The following CHRM3 variants were observed in gnomAD, a reference collection of about 807,000 sequenced individuals.
CHRM3 encodes muscarinic acetylcholine receptor M3.
A neutral mutation model predicts 41.8 loss-of-function variants in CHRM3; 11 were observed. That is an observed-to-expected ratio of 0.26 (90% CI 0.17 to 0.44). The LOEUF (loss-of-function observed/expected upper bound fraction) is 0.44. Among genes scored for constraint, CHRM3 ranks in the 20% least tolerant of loss-of-function variants. CHRM3 has a pLI of 1.00. For missense variants in CHRM3, 571 were observed against 745.4 expected (o/e 0.77, Z 2.72); for synonymous variants, 297 against 301.4 (o/e 0.99, Z 0.15).
chr1:239,557,089 T>C (rs1230021912), intron 3 of CHRM3, among the ~76,000 whole-genome samples: 1 of 152,190 alleles, frequency 6.6e-6, no homozygotes, highest in Non-Finnish European at 1.5e-5. Context: ...AAAAGCCTAC[T>C]TAAGTAGGCC....
intron 5 of CHRM3, among the ~76,000 whole-genome samples, chr1:239,783,432 A>G (rs1668654627): frequency 6.6e-6 from 1 of 152,162 alleles, no homozygotes; most frequent in Non-Finnish European, 1.5e-5. Flanking sequence ...TATTAATAGA[A>G]GACTAAGAAA....
intron 3 of CHRM3, among the ~76,000 whole-genome samples, chr1:239,555,345 G>A (rs1393524848): frequency 6.6e-6 from 1 of 152,128 alleles, no homozygotes; most frequent in Non-Finnish European, 1.5e-5. Flanking sequence ...ATGGAAGTTT[G>A]GTTGTGGAAC....
At chr1:239,904,389 G>A (rs1679811069) in intron 6 of CHRM3, among the ~76,000 whole-genome samples, 1 of 152,184 alleles carries the variant, frequency 6.6e-6, no homozygotes, top group Non-Finnish European at 1.5e-5. Flanking sequence ...AGTAATAGTA[G>A]TTATTAACCT....
chr1:239,749,810 G>A (rs995886337), intron 5 of CHRM3, among the ~76,000 whole-genome samples: 3 of 152,190 alleles, frequency 2.0e-5, no homozygotes, highest in African/African-American at 7.2e-5. Flanking sequence ...TCTTGTAAAA[G>A]ACATTAAAAT....
rs370176987 is a variant in CHRM3, at chr1:239,864,116, A to C, written c.-20+36738A>C. ...AAAACTCAGTTGGGTGAGATGGCAC[A>C]TGCCTGTCATCCCAGCTACTTAGGA... On this transcript the variant is annotated intron_variant, in intron 6 of 6. Coordinates refer to ENST00000676153, the MANE Select transcript of CHRM3 (RefSeq NM_001375978.1). 1.2e-4 allele frequency among the ~76,000 whole-genome samples: 18 copies of C among 151,592 alleles called. No individual in the cohort carries two copies. In the East Asian group the frequency reaches 3.5e-3, roughly 29 times the overall value.
intron 1 of CHRM3, among the ~76,000 whole-genome samples, chr1:239,400,522 T>C (rs1317369763): frequency 6.6e-6 from 1 of 152,200 alleles, no homozygotes; most frequent in Admixed American, 6.5e-5. Flanking sequence ...CCAAAAGTTC[T>C]TTGCCGAGAC....
At chr1:239,786,045 G>A (rs1174094142) in intron 5 of CHRM3, among the ~76,000 whole-genome samples, 1 of 152,076 alleles carries the variant, frequency 6.6e-6, no homozygotes, top group Non-Finnish European at 1.5e-5. Context: ...ATTATCTCAA[G>A]TTATTTGTTT....
At chr1:239,873,945 TC>T (rs1676814056) in intron 6 of CHRM3, among the ~76,000 whole-genome samples, 1 of 152,152 alleles carries the variant, frequency 6.6e-6, no homozygotes, top group South Asian at 2.1e-4. Context: ...ACTGAACTCT[TC>T]ACTCATGAGG....
chr1:239,671,448 C>G (rs572755859), intron 4 of CHRM3, among the ~76,000 whole-genome samples: 1 of 152,200 alleles, frequency 6.6e-6, no homozygotes, highest in African/African-American at 2.4e-5. Context: ...GTGGTGCACT[C>G]TATAGTCCCA....
chr1:239,642,176 T>A (rs991882102), intron 4 of CHRM3, among the ~76,000 whole-genome samples: 62 of 143,464 alleles, frequency 4.3e-4, no homozygotes, highest in African/African-American at 1.4e-3. Context: ...TAACCCGACC[T>A]TTCTCTCTGG....
chr1:239,821,194 T>C (rs1376478683), intron 5 of CHRM3, among the ~76,000 whole-genome samples: 1 of 152,230 alleles, frequency 6.6e-6, no homozygotes, highest in Non-Finnish European at 1.5e-5. Context: ...GTTAACTCTA[T>C]GGTGTTTCCA....
chr1:239,716,436 G>A (rs1308115821), intron 5 of CHRM3, among the ~76,000 whole-genome samples: 1 of 152,064 alleles, frequency 6.6e-6, no homozygotes, highest in African/African-American at 2.4e-5. Context: ...CTATAAAGCA[G>A]GTGCTGGTTG....
intron 4 of CHRM3, among the ~76,000 whole-genome samples, chr1:239,663,133 T>C (rs901069923): frequency 5.3e-5 from 8 of 151,996 alleles, no homozygotes; most frequent in Non-Finnish European, 1.0e-4. Flanking sequence ...GCAGCTCTGA[T>C]GTTAGGGCTG....
At chr1:239,500,399 A>G (rs1400979963) in intron 2 of CHRM3, among the ~76,000 whole-genome samples, 1 of 141,028 alleles carries the variant, frequency 7.1e-6, no homozygotes, top group Non-Finnish European at 1.5e-5. Context: ...TCTCACTCAT[A>G]GGTGGGAATT....
intron 5 of CHRM3, among the ~76,000 whole-genome samples, chr1:239,751,237 T>G (rs1572177790): frequency 8.4e-6 from 1 of 119,672 alleles, no homozygotes; most frequent in Non-Finnish European, 1.7e-5. Flanking sequence ...AAACTTCATC[T>G]CAAAAAAAAA....
At chr1:239,553,983 G>A (rs1660107118) in intron 3 of CHRM3, among the ~76,000 whole-genome samples, 1 of 152,050 alleles carries the variant, frequency 6.6e-6, no homozygotes, top group Non-Finnish European at 1.5e-5. Context: ...CAGCCTTTCA[G>A]GTTTAAGTGA....
At chr1:239,766,868 T>G (rs1667269045) in intron 5 of CHRM3, among the ~76,000 whole-genome samples, 1 of 152,060 alleles carries the variant, frequency 6.6e-6, no homozygotes. Context: ...CACGCCACCA[T>G]GCCTGGCTAA....
intron 6 of CHRM3, among the ~76,000 whole-genome samples, chr1:239,893,733 T>C (rs1390020297): frequency 2.6e-4 from 33 of 128,544 alleles, no homozygotes; most frequent in East Asian, 6.9e-4. Context: ...TTTGAAATCA[T>C]AAAAAAAAAA....
intron 2 of CHRM3, among the ~76,000 whole-genome samples, chr1:239,520,377 C>T (rs1669561147): frequency 6.6e-6 from 1 of 152,062 alleles, no homozygotes; most frequent in South Asian, 2.1e-4. Flanking sequence ...TCTCATGAAT[C>T]GTTTGGCACC....
Sources: allele counts gnomAD v4.1 joint callset (sites outside exome capture counted in the v4.1 genomes callset), GRCh38; gene constraint gnomAD v4.1.1; transcripts MANE v1.5; gene names NCBI Gene and HGNC (gene_info 2026-07-23, HGNC 2026-07-21).